The following PLXNA2 variants were observed in gnomAD, a reference collection of about 807,000 sequenced individuals.
The protein encoded by PLXNA2 is plexin-A2.
Under a neutral mutation model 193.5 loss-of-function variants are expected in PLXNA2, and 91 were observed. That is an observed-to-expected ratio of 0.47 (90% CI 0.40 to 0.56). The LOEUF is 0.56. Ranked by LOEUF, PLXNA2 falls within the 20% of genes least tolerant of loss-of-function variation. The pLI is 0.00. For synonymous variants in PLXNA2, 997 were observed against 1,027.3 expected, an observed-to-expected ratio of 0.97 and a Z score of 0.56; for missense variants, 1,995 against 2,503.2, an observed-to-expected ratio of 0.80 and a Z score of 4.33.
chr1:208,206,297 A>G (rs1186529544), intron 3 of PLXNA2, among the ~76,000 whole-genome samples: 1 of 152,250 alleles, frequency 6.6e-6, no homozygotes, highest in Admixed American at 6.5e-5. Context: ...GTCTCGTGAC[A>G]TAGAAGCTGT....
At chr1:208,150,701 G>T (rs1246212802) in intron 3 of PLXNA2, among the ~76,000 whole-genome samples, 1 of 152,108 alleles carries the variant, frequency 6.6e-6, no homozygotes, top group Non-Finnish European at 1.5e-5. Flanking sequence ...GCCATCACTG[G>T]TCTATGCTGC....
At chr1:208,198,620 C>A (rs530740354) in intron 3 of PLXNA2, among the ~76,000 whole-genome samples, 2 of 152,162 alleles carry the variant, frequency 1.3e-5, no homozygotes, top group Non-Finnish European at 2.9e-5. Context: ...AGGAAGACAG[C>A]GTGTGCCGAG....
At chr1:208,139,437 T>C (rs1668402657) in intron 4 of PLXNA2, among the ~76,000 whole-genome samples, 1 of 152,172 alleles carries the variant, frequency 6.6e-6, no homozygotes, top group Non-Finnish European at 1.5e-5. Context: ...AGAGCTAGAA[T>C]GGGCCATATA....
At position 208,029,006 on chromosome 1, in the gene PLXNA2, G is replaced by T. The variant is rs761787575; in HGVS notation, c.5262C>A (p.Asn1754Lys). The change falls in exon 30 of 32, where the codon AAC (asparagine) becomes AAA (lysine). Residue 1754 changes from asparagine to lysine, a missense_variant. This residue lies in a region of PLXNA2 where 1,291 missense variants were observed against 1,673.6 expected (regional missense o/e 0.77). Transcript: ENST00000367033. ...TGTGGATGTCAAACACGAACTGGGG[G>T]TTCTTAATCACGTTCACCCAGAAGC... is the stretch of plus-strand genomic sequence containing the variant. ...PLRFWVNVIK[N>K]PQFVFDIHKG... 9 of 1,614,012 alleles carry T rather than the reference G, an allele frequency of 5.6e-6. No homozygotes were observed. The highest frequency in any genetic ancestry group is 7.6e-6 in the Non-Finnish European group (9 of 1,180,022).
At chr1:208,067,651 G>A (rs574622520) in intron 12 of PLXNA2, among the ~76,000 whole-genome samples, 4 of 152,020 alleles carry the variant, frequency 2.6e-5, no homozygotes, top group South Asian at 2.1e-4. Flanking sequence ...TGTTACAATC[G>A]CCCATGGTGT....
chr1:208,221,149 G>T (rs1671315904), intron 1 of PLXNA2, among the ~76,000 whole-genome samples: 1 of 152,170 alleles, frequency 6.6e-6, no homozygotes, highest in Non-Finnish European at 1.5e-5. Context: ...TGTGACTCAT[G>T]AATTATAGTG....
chr1:208,054,532 G>T lies in PLXNA2; in HGVS notation c.2745C>A (p.Val915=). The change falls in exon 14 of 32, where the codon GTC becomes GTA. Residue 915 remains valine, a synonymous_variant. Coordinates refer to ENST00000367033, the MANE Select transcript of PLXNA2 (RefSeq NM_025179.4). ...CCACGAGGGCATGGCCCATCTCACA[G>T]ACAATCCTGGGGAGAAAGCAAACCT... ...PGEYIIAEQI[V]CEMGHALVGT... The T allele has an allele frequency of 6.2e-7, 1 of 1,612,800 alleles. No homozygotes were observed. The highest frequency in any genetic ancestry group is 8.5e-7 in the Non-Finnish European group (1 of 1,178,766).
intron 3 of PLXNA2, among the ~76,000 whole-genome samples, chr1:208,200,518 A>G (rs1411789942): frequency 6.6e-6 from 1 of 151,348 alleles, no homozygotes; most frequent in Non-Finnish European, 1.5e-5. Flanking sequence ...AAGTAAGTCC[A>G]TAATCTCTGA....
rs2274450 is a variant in PLXNA2 at position 208,038,647 on chromosome 1, C to T, written c.4661-173G>A. Reference sequence around the variant, plus strand: ...ATGGGCCCAGGCAGCAGAGGAAACACGTAGACCTCCCCAGAGACAGCCACA... The same window carrying T: ...ATGGGCCCAGGCAGCAGAGGAAACATGTAGACCTCCCCAGAGACAGCCACA... On this transcript the variant is annotated intron_variant, in intron 25 of 31. Coordinates refer to ENST00000367033, the MANE Select transcript of PLXNA2 (RefSeq NM_025179.4). The surrounding 1 kb of genome is among the most constrained non-coding windows in gnomAD (Gnocchi z 4.1). Among the ~76,000 whole-genome samples, 257 of 152,322 alleles carry T rather than the reference C, an allele frequency of 1.7e-3. 2 individuals are homozygous for T. The highest frequency in any genetic ancestry group is 0.011 in the East Asian group (59 of 5,176).
intron 4 of PLXNA2, among the ~76,000 whole-genome samples, chr1:208,125,251 T>C (rs1033047504): frequency 2.0e-5 from 3 of 152,196 alleles, no homozygotes; most frequent in Non-Finnish European, 2.9e-5. Context: ...GCGTTTGAAG[T>C]GATCTGTATA....
At chr1:208,103,941 C>A (rs1350395692) in intron 4 of PLXNA2, among the ~76,000 whole-genome samples, 1 of 152,186 alleles carries the variant, frequency 6.6e-6, no homozygotes, top group Non-Finnish European at 1.5e-5. Context: ...TCCTGGTCTT[C>A]TGCTGGGGCC....
rs1021823814 is a variant in PLXNA2 at position 208,024,292 on chromosome 1, A to T, written c.*2951T>A. ...CAAGGTCAAAATATCCTCAAATTGG[A>T]TAACAGGGAGAAGAGAGGCCAACCA... On this transcript the variant is annotated 3_prime_UTR_variant, in exon 32 of 32. Transcript: ENST00000367033. 2.6e-5 allele frequency: 4 copies of T among 152,144 alleles called. No individual in the cohort carries two copies. Among genetic ancestry groups the T allele is most frequent in the Non-Finnish European group, 4.4e-5 (3 of 68,046 alleles). The allele number at this position is 152,144 out of a possible 1,614,324, so 9.4% of individuals were successfully genotyped here.
At position 208,073,970 on chromosome 1, in the gene PLXNA2, G is replaced by A. The variant is rs149190297; in HGVS notation, c.2586+5290C>T. Reference sequence around the variant, plus strand: ...ACGCTGCTGACACCTTGATCTTGAAGTTCAGACCTCCAAATATATTCAGGT... The same window carrying A: ...ACGCTGCTGACACCTTGATCTTGAAATTCAGACCTCCAAATATATTCAGGT... On this transcript the variant is annotated intron_variant, in intron 12 of 31. Coordinates refer to ENST00000367033, the MANE Select transcript of PLXNA2 (RefSeq NM_025179.4). 1.8e-3 allele frequency among the ~76,000 whole-genome samples: 278 copies of A among 152,304 alleles called. 1 individual carries two copies. The highest frequency in any genetic ancestry group is 3.0e-3 in the Non-Finnish European group (202 of 68,026).
chr1:208,151,056 G>A (rs1668748752), intron 3 of PLXNA2, among the ~76,000 whole-genome samples: 1 of 152,228 alleles, frequency 6.6e-6, no homozygotes, highest in Admixed American at 6.5e-5. Flanking sequence ...GCTGCCAGGG[G>A]CGGAGGAAGC....
chr1:208,175,845 G>A lies in PLXNA2; in HGVS notation c.1372-33382C>T, dbSNP rs755874. Among the ~76,000 whole-genome samples the A allele has an allele frequency of 6.7e-3, 1,012 of 152,066 alleles. 13 individuals are homozygous for A. The highest frequency in any genetic ancestry group is 0.023 in the African/African-American group (948 of 41,482). On this transcript the variant is annotated intron_variant, in intron 3 of 31. Coordinates refer to ENST00000367033, the MANE Select transcript of PLXNA2 (RefSeq NM_025179.4). ...CCTGATAGCCAGAGAAAGAAGACAG[G>A]CTGGTTCAAACCATAGTTAAAAGAT...
At chr1:208,084,639 G>GTCCCA in intron 9 of PLXNA2, 59 bp from the exon 10 acceptor site, 3 of 1,511,050 alleles carry the variant, frequency 2.0e-6, no homozygotes, top group Non-Finnish European at 2.7e-6. Flanking sequence ...CTATGTGCCT[G>GTCCCA]GGACAGGCAG....
At chr1:208,072,038 G>A (rs1047872901) in intron 12 of PLXNA2, among the ~76,000 whole-genome samples, 1 of 152,204 alleles carries the variant, frequency 6.6e-6, no homozygotes, top group South Asian at 2.1e-4. Context: ...GTGGAGAACA[G>A]GAGCCAGCAG....
At chr1:208,067,876 G>A (rs1665848044) in intron 12 of PLXNA2, among the ~76,000 whole-genome samples, 2 of 152,166 alleles carry the variant, frequency 1.3e-5, no homozygotes, top group Non-Finnish European at 2.9e-5. Context: ...GCTTTATAGG[G>A]TGTAAAGCCT....
intron 12 of PLXNA2, among the ~76,000 whole-genome samples, chr1:208,063,763 G>A (rs561661679): frequency 6.6e-6 from 1 of 152,290 alleles, no homozygotes; most frequent in African/African-American, 2.4e-5. Flanking sequence ...CTTGCTTAAA[G>A]CAAAACTGAC....
Sources: gnomAD v4.1 joint callset for allele counts (sites outside exome capture counted in the v4.1 genomes callset) on GRCh38, gnomAD v4.1.1 for gene constraint, gnomAD v4.1.1 regional missense constraint, Gnocchi (gnomAD v3.1) non-coding constraint, MANE v1.5 for transcripts, NCBI Gene and HGNC (gene_info 2026-07-23, HGNC 2026-07-21) for gene names.